The following NKAIN2 variants were observed in gnomAD, a reference collection of about 807,000 sequenced individuals.
NKAIN2 encodes the protein sodium/potassium transporting ATPase interacting 2.
Under a neutral mutation model 32.6 loss-of-function variants are expected in NKAIN2, and 14 were observed. The observed-to-expected ratio is 0.43, with a 90% CI of 0.28 to 0.67. NKAIN2 has a LOEUF of 0.67. Ranked by LOEUF, NKAIN2 falls within the 30% of genes least tolerant of loss-of-function variation. The pLI is 0.17. For missense variants in NKAIN2, 198 were observed against 258.3 expected (o/e 0.77, Z 1.60); for synonymous variants, 80 against 87.2 (o/e 0.92, Z 0.46).
chr6:124,578,409 G>A (rs1421893014), intron 3 of NKAIN2, among the ~76,000 whole-genome samples: 2 of 152,120 alleles, frequency 1.3e-5, no homozygotes, highest in Non-Finnish European at 2.9e-5. Context: ...CTTGGGCCTT[G>A]AGTGAACATT....
intron 3 of NKAIN2, among the ~76,000 whole-genome samples, chr6:124,564,485 AC>A (rs67910307): frequency 0.57 from 86,542 of 151,134 alleles, 28,692 homozygotes; most frequent in Admixed American, 0.72. Context: ...AAGCTGGCCA[AC>A]CCCCCCCTCC....
intron 5 of NKAIN2, among the ~76,000 whole-genome samples, chr6:124,812,845 A>G (rs1582569143): frequency 6.6e-6 from 1 of 152,028 alleles, no homozygotes; most frequent in East Asian, 1.9e-4. Flanking sequence ...CTTGCCATGA[A>G]CTATGTTTTC....
chr6:124,770,503 T>C (rs1281849919), intron 4 of NKAIN2, among the ~76,000 whole-genome samples: 1 of 152,202 alleles, frequency 6.6e-6, no homozygotes, highest in African/African-American at 2.4e-5. Context: ...TGGAGAGAGA[T>C]ATTAAGGGTT....
chr6:124,527,205 A>G (rs1482575990), intron 3 of NKAIN2, among the ~76,000 whole-genome samples: 1 of 152,182 alleles, frequency 6.6e-6, no homozygotes, highest in Non-Finnish European at 1.5e-5. Context: ...GGAATAAGGG[A>G]ATAACAAGCC....
chr6:124,588,196 T>C (rs1781778764), intron 3 of NKAIN2, among the ~76,000 whole-genome samples: 2 of 152,192 alleles, frequency 1.3e-5, no homozygotes, highest in South Asian at 4.1e-4. Flanking sequence ...CATAGCATCG[T>C]GGAGATATAA....
intron 1 of NKAIN2, among the ~76,000 whole-genome samples, chr6:124,136,878 A>T (rs896232243): frequency 6.6e-6 from 1 of 152,168 alleles, no homozygotes; most frequent in Non-Finnish European, 1.5e-5. Flanking sequence ...AATAAAAGCC[A>T]TATATGACAG....
At chr6:124,598,234 T>G (rs958855097) in intron 3 of NKAIN2, among the ~76,000 whole-genome samples, 1 of 152,140 alleles carries the variant, frequency 6.6e-6, no homozygotes, top group Non-Finnish European at 1.5e-5. Flanking sequence ...TTTAGTTATA[T>G]CCCCCAAATA....
intron 1 of NKAIN2, among the ~76,000 whole-genome samples, chr6:123,808,211 G>C (rs879117525): frequency 2.0e-5 from 3 of 151,998 alleles, no homozygotes; most frequent in African/African-American, 7.2e-5. Context: ...CAAGTTTGAC[G>C]GTTTTTCAGA....
chr6:124,283,376 C>G (rs1795392712), intron 2 of NKAIN2: 2 of 309,660 alleles, frequency 6.5e-6, no homozygotes, highest in Non-Finnish European at 1.2e-5. Flanking sequence ...TTTGTACTTT[C>G]AGCGAATAGT....
chr6:124,323,596 G>A (rs906671023), intron 2 of NKAIN2, among the ~76,000 whole-genome samples: 1 of 151,904 alleles, frequency 6.6e-6, no homozygotes, highest in African/African-American at 2.4e-5. Flanking sequence ...CAAAAATTAG[G>A]CATGTTCGTG....
chr6:124,107,357 C>A (rs1286556481), intron 1 of NKAIN2, among the ~76,000 whole-genome samples: 1 of 151,950 alleles, frequency 6.6e-6, no homozygotes, highest in African/African-American at 2.4e-5. Context: ...GGGTAGAAAA[C>A]CAATTGTAGG....
intron 4 of NKAIN2, among the ~76,000 whole-genome samples, chr6:124,718,538 C>T (rs1341887166): frequency 1.3e-5 from 2 of 152,134 alleles, no homozygotes; most frequent in African/African-American, 4.8e-5. Context: ...TGACTATGAA[C>T]ATTTGTGTAC....
At chr6:124,302,295 G>A (rs1245918778) in intron 2 of NKAIN2, among the ~76,000 whole-genome samples, 1 of 152,242 alleles carries the variant, frequency 6.6e-6, no homozygotes, top group Non-Finnish European at 1.5e-5. Context: ...CTCACTCACA[G>A]GTATGTCTTT....
intron 1 of NKAIN2, among the ~76,000 whole-genome samples, chr6:124,124,908 T>C (rs895906583): frequency 1.3e-5 from 2 of 152,162 alleles, no homozygotes; most frequent in Non-Finnish European, 2.9e-5. Context: ...GCTAATATTG[T>C]AGAGTCCATT....
chr6:124,015,289 A>G (rs72974551), intron 1 of NKAIN2, among the ~76,000 whole-genome samples: 2,200 of 152,288 alleles, frequency 0.014, 33 homozygotes, highest in African/African-American at 0.043. Flanking sequence ...TGAATGTCTT[A>G]GAGATGGGAC....
intron 2 of NKAIN2, among the ~76,000 whole-genome samples, chr6:124,293,818 GAT>G (rs2114955461): frequency 6.6e-6 from 1 of 152,144 alleles, no homozygotes; most frequent in South Asian, 2.1e-4. Flanking sequence ...AGTGACGACA[GAT>G]AATATCAAAA....
chr6:124,152,586 T>C (rs1787785990), intron 1 of NKAIN2, among the ~76,000 whole-genome samples: 1 of 151,966 alleles, frequency 6.6e-6, no homozygotes, highest in African/African-American at 2.4e-5. Context: ...GTACAGCCAC[T>C]ATGGGAAACA....
intron 1 of NKAIN2, among the ~76,000 whole-genome samples, chr6:124,054,114 A>G (rs1782534497): frequency 6.6e-6 from 1 of 152,058 alleles, no homozygotes; most frequent in South Asian, 2.1e-4. Flanking sequence ...GAGTCATTGG[A>G]ATTTGGATAA....
At chr6:124,706,830 T>A (rs888217822) in intron 4 of NKAIN2, among the ~76,000 whole-genome samples, 5 of 151,994 alleles carry the variant, frequency 3.3e-5, no homozygotes, top group African/African-American at 1.2e-4. Context: ...TTTCTTTATT[T>A]ATAGTTGGTT....
Sources: allele counts gnomAD v4.1 joint callset (sites outside exome capture counted in the v4.1 genomes callset), GRCh38; gene constraint gnomAD v4.1.1; transcripts MANE v1.5; gene names NCBI Gene and HGNC (gene_info 2026-07-23, HGNC 2026-07-21).